Variants in NLGN4X observed in about 807,000 individuals in gnomAD.
The protein encoded by NLGN4X is neuroligin-4, X-linked.
In NLGN4X, 3 loss-of-function variants were observed where a neutral mutation model predicts 40.3. The ratio of observed to expected loss-of-function variants is 0.07; its 90% CI spans 0.03 to 0.19. The LOEUF (loss-of-function observed/expected upper bound fraction) is 0.19. Among genes scored for constraint, NLGN4X ranks in the 10% least tolerant of loss-of-function variants. The probability of loss-of-function intolerance (pLI) is 1.00; values close to 1 mark genes in which losing one functional copy is unlikely to be tolerated. For missense variants in NLGN4X, 382 were observed against 708.3 expected (o/e 0.54, Z 5.23); for synonymous variants, 270 against 306.8 (o/e 0.88, Z 1.25).
intron 3 of NLGN4X, among the ~76,000 whole-genome samples, chrX:5,944,190 A>C (rs2034047258): frequency 9.0e-6 from 1 of 111,696 alleles, no homozygotes. Flanking sequence ...TGAAACAGTT[A>C]CACCCCCTCT....
chrX:6,049,743 C>T (rs5961401), intron 2 of NLGN4X, among the ~76,000 whole-genome samples: 1 of 9,393 alleles, frequency 1.1e-4, no homozygotes, highest in African/African-American at 2.3e-4. Flanking sequence ...GGGGGGGGGG[C>T]GGTCACAAAA....
At chrX:5,941,139 A>G (rs1459312896) in intron 3 of NLGN4X, among the ~76,000 whole-genome samples, 1 of 105,021 alleles carries the variant, frequency 9.5e-6, no homozygotes, top group Non-Finnish European at 2.0e-5. Context: ...TACAAAAAAA[A>G]AAAAAAAAGA....
intron 2 of NLGN4X, among the ~76,000 whole-genome samples, chrX:6,122,095 G>C (rs1422394056): frequency 8.9e-6 from 1 of 112,066 alleles, no homozygotes; most frequent in Non-Finnish European, 1.9e-5. Context: ...GCCAGTGGAT[G>C]GAAGTGATAG....
intron 3 of NLGN4X, among the ~76,000 whole-genome samples, chrX:5,938,966 C>CGTGTGTGTGTGTGT (rs60927853): frequency 9.8e-6 from 1 of 101,948 alleles, no homozygotes; most frequent in African/African-American, 3.6e-5. Context: ...TGTGTGTGTG[C>CGTGTGTGTGTGTGT]GTGTGTGTGT....
chrX:6,005,082 A>G (rs1228074173), intron 3 of NLGN4X, among the ~76,000 whole-genome samples: 1 of 112,449 alleles, frequency 8.9e-6, no homozygotes, highest in Non-Finnish European at 1.9e-5. Context: ...TCATAAGATA[A>G]GTGCTTCTTT....
At chrX:6,049,070 A>G (rs376630112) in intron 2 of NLGN4X, among the ~76,000 whole-genome samples, 7 of 103,356 alleles carry the variant, frequency 6.8e-5, no homozygotes, top group Middle Eastern at 4.9e-3. Flanking sequence ...TTTTGCATAT[A>G]GATATTTGTA....
intron 3 of NLGN4X, among the ~76,000 whole-genome samples, chrX:5,983,938 G>A (rs986341188): frequency 2.0e-4 from 22 of 111,465 alleles, no homozygotes; most frequent in African/African-American, 7.2e-4. Flanking sequence ...TCCAGCCTGG[G>A]CAACACAGGG....
In NLGN4X at chrX:5,893,150, C is replaced by T. The variant is rs766906733; in HGVS notation, c.2118G>A (p.Glu706=). The change falls in exon 6 of 6, where the codon GAG becomes GAA. Residue 706 remains glutamate, a synonymous_variant. Transcript: ENST00000381095. ...LYYKKDKRRH[E]THRRPSPQRN... ...TCTGGGGACTGGGGCGCCTGTGAGT[C>T]TCATGGCGCCTCTTGTCCTTTTTGT... 1 of 1,211,566 alleles carries T rather than the reference C, an allele frequency of 8.3e-7. No individual in the cohort carries two copies. The highest frequency in any genetic ancestry group is 1.1e-6 in the Non-Finnish European group (1 of 895,419).
intron 3 of NLGN4X, among the ~76,000 whole-genome samples, chrX:5,974,745 C>T (rs1448517398): frequency 8.9e-6 from 1 of 111,840 alleles, no homozygotes; most frequent in African/African-American, 3.3e-5. Context: ...AGTACTGAAC[C>T]TTATATGTGC....
At chrX:6,076,186 C>T (rs898592567) in intron 2 of NLGN4X, among the ~76,000 whole-genome samples, 7 of 112,315 alleles carry the variant, frequency 6.2e-5, no homozygotes, top group Admixed American at 1.9e-4. Context: ...AAGAAACAAA[C>T]GCTCCATATT....
chrX:5,997,908 T>TG (rs2147118752), intron 3 of NLGN4X, among the ~76,000 whole-genome samples: 1 of 111,161 alleles, frequency 9.0e-6, no homozygotes, highest in South Asian at 3.8e-4. Flanking sequence ...TCCCATCTGT[T>TG]GCTCATATAC....
In NLGN4X at chrX:6,150,401, C is replaced by T. The variant is rs185685832; in HGVS notation, c.472+594G>A. 5.8e-3 allele frequency among the ~76,000 whole-genome samples: 653 copies of T among 112,128 alleles called. 4 individuals carry two copies. The highest frequency in any genetic ancestry group is 8.8e-3 in the Non-Finnish European group (470 of 53,213). On this transcript the variant is annotated intron_variant, in intron 2 of 5. Coordinates refer to ENST00000381095, the MANE Select transcript of NLGN4X (RefSeq NM_181332.3). ...GCTAGAATCATCTGATTACATTTTG[C>T]CACTTGATTGCAGCGAATATTGGAA...
chrX:6,020,237 T>C (rs1211118299), intron 3 of NLGN4X, among the ~76,000 whole-genome samples: 1 of 111,221 alleles, frequency 9.0e-6, no homozygotes, highest in Non-Finnish European at 1.9e-5. Flanking sequence ...GAAAATGGGG[T>C]TTATACACAC....
chrX:6,198,472 CA>C (rs34317716), intron 1 of NLGN4X, among the ~76,000 whole-genome samples: 7,597 of 111,665 alleles, frequency 0.068, 641 homozygotes, highest in African/African-American at 0.23. Flanking sequence ...TGTCATTGTA[CA>C]AGTGTTTGCT....
chrX:6,188,166 A>G (rs1371326500), intron 1 of NLGN4X, among the ~76,000 whole-genome samples: 3 of 112,154 alleles, frequency 2.7e-5, no homozygotes, highest in Non-Finnish European at 5.6e-5. Flanking sequence ...TAAAAGGATT[A>G]GATATTGAAG....
intron 1 of NLGN4X, among the ~76,000 whole-genome samples, chrX:6,167,971 G>A (rs2040531805): frequency 8.9e-6 from 1 of 111,918 alleles, no homozygotes; most frequent in Non-Finnish European, 1.9e-5. Context: ...GTATAGATAG[G>A]ATTTTTAAAG....
intron 2 of NLGN4X, among the ~76,000 whole-genome samples, chrX:6,072,608 T>A: frequency 8.9e-6 from 1 of 111,848 alleles, no homozygotes; most frequent in South Asian, 3.7e-4. Flanking sequence ...TTAAAAAATA[T>A]GTTGCTAGCA....
chrX:6,068,402 T>C (rs1406470180), intron 2 of NLGN4X, among the ~76,000 whole-genome samples: 2 of 110,641 alleles, frequency 1.8e-5, no homozygotes, highest in Admixed American at 1.9e-4. Context: ...GATGTGTTGG[T>C]CCCTTCTACA....
At chrX:5,938,821 A>AT (rs1370855591) in intron 3 of NLGN4X, among the ~76,000 whole-genome samples, 1 of 111,965 alleles carries the variant, frequency 8.9e-6, no homozygotes, top group Non-Finnish European at 1.9e-5. Flanking sequence ...TTTAGGAGAC[A>AT]TAACAGTTGA....
Sources: gnomAD v4.1 joint callset for allele counts (sites outside exome capture counted in the v4.1 genomes callset) on GRCh38, gnomAD v4.1.1 for gene constraint, MANE v1.5 for transcripts, NCBI Gene and HGNC (gene_info 2026-07-23, HGNC 2026-07-21) for gene names.